The following NEK11 variants were observed in gnomAD, a reference collection of about 807,000 sequenced individuals.
NEK11 encodes NIMA related kinase 11, also known as serine/threonine-protein kinase Nek11.
Under a neutral mutation model 80.7 loss-of-function variants are expected in NEK11, and 72 were observed. The ratio of observed to expected loss-of-function variants is 0.89; its 90% CI spans 0.74 to 1.08. The LOEUF (loss-of-function observed/expected upper bound fraction) is 1.08. NEK11 is among the 50% of genes least tolerant of loss of function. NEK11 has a pLI of 0.00. For missense variants in NEK11, 764 were observed against 763.6 expected (o/e 1.00, Z -0.01); for synonymous variants, 251 against 260.7 (o/e 0.96, Z 0.36).
chr3:131,250,378 G>A (rs1375271041), intron 16 of NEK11, among the ~76,000 whole-genome samples: 9 of 152,006 alleles, frequency 5.9e-5, no homozygotes, highest in Non-Finnish European at 1.3e-4. Context: ...CTAAAAGCTA[G>A]AAGATAATAA....
Position 131,152,721 on chromosome 3 carries a change from GA to G in NEK11, c.876+15del. 6.3e-7 allele frequency: 1 copy of G among 1,582,958 alleles called. No individual in the cohort carries two copies. The highest frequency in any genetic ancestry group is 8.7e-7 in the Non-Finnish European group (1 of 1,153,712). On this transcript the variant is annotated intron_variant, in intron 9 of 17. Transcript: ENST00000383366. The stretch of plus-strand genomic sequence containing the variant: ...ATGAGCAGCTACAGGTATTTAAAAT[GA>G]AAGGGATTCTGGGAAACAGGTATGA...
chr3:131,149,479 T>G (rs2089194926), intron 7 of NEK11, among the ~76,000 whole-genome samples: 2 of 152,092 alleles, frequency 1.3e-5, no homozygotes, highest in South Asian at 4.1e-4. Flanking sequence ...CCTTTGGGTA[T>G]ATATACCCAG....
At chr3:131,233,288 TG>T (rs931578185) in intron 15 of NEK11, among the ~76,000 whole-genome samples, 44 of 152,292 alleles carry the variant, frequency 2.9e-4, no homozygotes, top group Admixed American at 2.2e-3. Context: ...TTACATTGCC[TG>T]GGAGTTGCCT....
At chr3:131,147,939 A>C (rs961309162) in intron 7 of NEK11, among the ~76,000 whole-genome samples, 1 of 151,962 alleles carries the variant, frequency 6.6e-6, no homozygotes, top group Non-Finnish European at 1.5e-5. Flanking sequence ...TCCTAATCTC[A>C]GAAGAAAATA....
intron 4 of NEK11, among the ~76,000 whole-genome samples, chr3:131,103,531 T>G (rs1010301891): frequency 6.6e-6 from 1 of 152,190 alleles, no homozygotes. Flanking sequence ...ATGGCTCCTT[T>G]GTATTTCCTG....
chr3:131,321,692 A>G (rs1383482054), intron 17 of NEK11, among the ~76,000 whole-genome samples: 2 of 152,118 alleles, frequency 1.3e-5, no homozygotes, highest in African/African-American at 4.8e-5. Context: ...CAAGACATGG[A>G]CACCTCTGAA....
At chr3:131,056,687 T>A (rs2069565831) in intron 3 of NEK11, among the ~76,000 whole-genome samples, 1 of 152,168 alleles carries the variant, frequency 6.6e-6, no homozygotes, top group Admixed American at 6.5e-5. Context: ...TGCCAGCTTG[T>A]TCTCTATGGT....
At chr3:131,286,565 A>G (rs997053479) in intron 17 of NEK11, among the ~76,000 whole-genome samples, 5 of 152,222 alleles carry the variant, frequency 3.3e-5, no homozygotes, top group African/African-American at 4.8e-5. Flanking sequence ...TGAAATATCT[A>G]TATTATATTA....
chr3:131,328,204 C>A (rs1013711145), intron 17 of NEK11, among the ~76,000 whole-genome samples: 1 of 151,912 alleles, frequency 6.6e-6, no homozygotes, highest in Non-Finnish European at 1.5e-5. Flanking sequence ...GTGGGAGGAT[C>A]ACTTAAGCCT....
chr3:131,259,663 A>T (rs1254054864), intron 16 of NEK11, among the ~76,000 whole-genome samples: 1 of 152,166 alleles, frequency 6.6e-6, no homozygotes, highest in Non-Finnish European at 1.5e-5. Flanking sequence ...AGAGAGCTCC[A>T]GTCCCATGGG....
chr3:131,207,447 G>C (rs1168822068), intron 14 of NEK11, among the ~76,000 whole-genome samples: 2 of 152,146 alleles, frequency 1.3e-5, no homozygotes, highest in Non-Finnish European at 2.9e-5. Flanking sequence ...GCTGGGCGCG[G>C]TGGCAGGCAC....
At chr3:131,032,844 T>C (rs137994632) in intron 3 of NEK11, among the ~76,000 whole-genome samples, 1 of 152,320 alleles carries the variant, frequency 6.6e-6, no homozygotes, top group African/African-American at 2.4e-5. Context: ...TTCACCTTAA[T>C]TATAAACAAT....
At chr3:131,052,487 G>A (rs1201878398) in intron 3 of NEK11, among the ~76,000 whole-genome samples, 6 of 152,148 alleles carry the variant, frequency 3.9e-5, no homozygotes, top group African/African-American at 1.2e-4. Context: ...ACTATCAGGG[G>A]TGTTTTGCTG....
At chr3:131,215,297 T>A (rs1311545747) in intron 14 of NEK11, among the ~76,000 whole-genome samples, 1 of 147,150 alleles carries the variant, frequency 6.8e-6, no homozygotes, top group Non-Finnish European at 1.5e-5. Flanking sequence ...GGGGAAGGGA[T>A]AGCATTAGGA....
chr3:131,309,952 G>A (rs1238645659), intron 17 of NEK11, among the ~76,000 whole-genome samples: 2 of 115,578 alleles, frequency 1.7e-5, no homozygotes, highest in African/African-American at 6.8e-5. Context: ...TCATGCCACT[G>A]CACTCCAGCC....
At chr3:131,239,381 A>G (rs2095486689) in intron 15 of NEK11, among the ~76,000 whole-genome samples, 4 of 152,168 alleles carry the variant, frequency 2.6e-5, no homozygotes, top group South Asian at 4.2e-4. Context: ...TCTACTCTAT[A>G]TATACCTTTA....
intron 17 of NEK11, 52 bp from the exon 18 acceptor site, chr3:131,349,505 C>A: frequency 1.4e-6 from 2 of 1,413,044 alleles, no homozygotes; most frequent in Non-Finnish European, 2.0e-6. Context: ...CATTTTCCTG[C>A]AGGTGATCTT....
At chr3:131,160,991 T>C (rs1255710840) in intron 10 of NEK11, among the ~76,000 whole-genome samples, 1 of 152,076 alleles carries the variant, frequency 6.6e-6, no homozygotes, top group Non-Finnish European at 1.5e-5. Context: ...GAGACCATCC[T>C]GGCCAACACG....
chr3:131,201,453 T>C (rs1251942039), intron 14 of NEK11, among the ~76,000 whole-genome samples: 4 of 152,022 alleles, frequency 2.6e-5, no homozygotes, highest in African/African-American at 7.3e-5. Context: ...GTTTGGGAGG[T>C]ATCATTTTAG....
Sources: gnomAD v4.1 joint callset for allele counts (sites outside exome capture counted in the v4.1 genomes callset) on GRCh38, gnomAD v4.1.1 for gene constraint, MANE v1.5 for transcripts, NCBI Gene and HGNC (gene_info 2026-07-23, HGNC 2026-07-21) for gene names.